LPIN1: variants seen among roughly 807,000 people sequenced by gnomAD.
LPIN1 encodes lipin 1.
Under a neutral mutation model 107.5 loss-of-function variants are expected in LPIN1, and 71 were observed. The ratio of observed to expected loss-of-function variants is 0.66; its 90% CI spans 0.55 to 0.80. LPIN1 has a LOEUF of 0.80. Among genes scored for constraint, LPIN1 ranks in the 30% least tolerant of loss-of-function variants. The probability of loss-of-function intolerance (pLI) is 0.00; values close to 1 mark genes in which losing one functional copy is unlikely to be tolerated. For synonymous variants in LPIN1, 445 were observed against 452.6 expected, an observed-to-expected ratio of 0.98 and a Z score of 0.21; for missense variants, 1,043 against 1,160.6, an observed-to-expected ratio of 0.90 and a Z score of 1.47.
chr2:11,732,693 G>A (rs929138584), intron 1 of LPIN1, among the ~76,000 whole-genome samples: 1 of 152,168 alleles, frequency 6.6e-6, no homozygotes, highest in Non-Finnish European at 1.5e-5. Context: ...AATCCTGCTG[G>A]TTGGTGTCCA....
chr2:11,750,351 G>A (rs1461151696), intron 1 of LPIN1, among the ~76,000 whole-genome samples: 5 of 152,212 alleles, frequency 3.3e-5, no homozygotes, highest in African/African-American at 1.2e-4. Flanking sequence ...CACCAGTCTC[G>A]GGGTGGCCTC....
In LPIN1 at chr2:11,697,450, C is replaced by T. The variant is rs1001400252; in HGVS notation, c.82-16306C>T. Among the ~76,000 whole-genome samples the T allele has an allele frequency of 6.6e-6, 1 of 152,240 alleles. No homozygotes were observed. Among genetic ancestry groups the T allele is most frequent in the Non-Finnish European group, 1.5e-5 (1 of 68,040 alleles). Reference sequence around the variant, plus strand: ...GGGCTGCACCAGGAGCTGTGCTCGGCTCCTGCTTCTCCCTGGTTTGGCCTA... The same window carrying T: ...GGGCTGCACCAGGAGCTGTGCTCGGTTCCTGCTTCTCCCTGGTTTGGCCTA... On this transcript the variant is annotated intron_variant, in intron 1 of 21. Transcript: ENST00000449576. The surrounding 1 kb of genome is among the most constrained non-coding windows in gnomAD (Gnocchi z 4.6).
upstream of LPIN1, among the ~76,000 whole-genome samples, chr2:11,743,583 A>G (rs1237027483): frequency 6.6e-6 from 1 of 152,150 alleles, no homozygotes. The surrounding 1 kb of genome is among the most constrained non-coding windows in gnomAD (Gnocchi z 4.7). Context: ...GGGGCCCCCA[A>G]CCAAGGAGTG....
At position 11,803,168 on chromosome 2, in the gene LPIN1, G is replaced by C. The variant is rs1428794563; in HGVS notation, c.2013+135G>C. On this transcript the variant is annotated intron_variant, in intron 15 of 20. Transcript: ENST00000674199. The surrounding 1 kb of genome is among the most constrained non-coding windows in gnomAD (Gnocchi z 4.2). ...CAGGGGGCCTGCAATCCCTCAACTG[G>C]GTACCCGCTGTTTCCACCCCAACTC... is the stretch of plus-strand genomic sequence containing the variant. 2 of 1,213,862 alleles carry C rather than the reference G, an allele frequency of 1.6e-6. No homozygotes were observed. The highest frequency in any genetic ancestry group is 2.4e-6 in the Non-Finnish European group (2 of 835,724). 75.2% of individuals were successfully genotyped at this position (1,213,862 alleles called of 1,614,324 possible). A position where few individuals can be genotyped will look rare whatever the true frequency, so the allele number is the denominator to read the frequency against.
chr2:11,689,091 G>A (rs1489898721), intron 1 of LPIN1, among the ~76,000 whole-genome samples: 1 of 152,218 alleles, frequency 6.6e-6, no homozygotes, highest in Admixed American at 6.5e-5. Flanking sequence ...GAAGTGCTTC[G>A]AAAATGAACA....
intron 1 of LPIN1, among the ~76,000 whole-genome samples, chr2:11,735,998 T>A (rs1328534731): frequency 6.6e-6 from 1 of 152,134 alleles, no homozygotes; most frequent in Non-Finnish European, 1.5e-5. Flanking sequence ...GAAACCTGAT[T>A]TTATTTGGAA....
At chr2:11,713,682 A>G in intron 1 of LPIN1, 1 of 875,092 alleles carries the variant, frequency 1.1e-6, no homozygotes, top group Non-Finnish European at 1.8e-6. Flanking sequence ...ATATTGGCAA[A>G]GTTATGCAAC....
chr2:11,773,802 A>T, intron 5 of LPIN1, 57 bp downstream of exon 5: 1 of 1,569,866 alleles, frequency 6.4e-7, no homozygotes, highest in Non-Finnish European at 8.7e-7. Flanking sequence ...CAGTGATAGG[A>T]AGCAATTCTA....
intron 1 of LPIN1, among the ~76,000 whole-genome samples, chr2:11,698,461 C>T (rs563273332): frequency 3.5e-4 from 53 of 152,224 alleles, no homozygotes; most frequent in Non-Finnish European, 7.1e-4. Flanking sequence ...CCACGTGGCT[C>T]CAACAGTTTC....
chr2:11,819,183 C>A, intron 18 of LPIN1: 1 of 354,148 alleles, frequency 2.8e-6, no homozygotes. Context: ...CTAGCCTCAT[C>A]GAATTAATTT....
chr2:11,717,157 A>G (rs2148529382), intron 2 of LPIN1, among the ~76,000 whole-genome samples: 1 of 152,338 alleles, frequency 6.6e-6, no homozygotes, highest in African/African-American at 2.4e-5. Flanking sequence ...GGCTGGTTCT[A>G]TAGAATCAAC....
At chr2:11,815,288 C>G in intron 18 of LPIN1, 48 bp downstream of exon 18, 1 of 1,608,080 alleles carries the variant, frequency 6.2e-7, no homozygotes, top group Non-Finnish European at 8.5e-7. Context: ...TGTTCAGACC[C>G]GCTCTCTTCC....
intron 3 of LPIN1, among the ~76,000 whole-genome samples, chr2:11,770,789 G>C (rs1335991523): frequency 6.6e-6 from 1 of 152,210 alleles, no homozygotes; most frequent in Non-Finnish European, 1.5e-5. Flanking sequence ...TCTTTAAGGA[G>C]AGGATCAGTA....
At chr2:11,695,931 A>G (rs934985392) in intron 1 of LPIN1, among the ~76,000 whole-genome samples, 9 of 152,106 alleles carry the variant, frequency 5.9e-5, no homozygotes, top group African/African-American at 1.9e-4. Flanking sequence ...TGAGTTTTGA[A>G]GTATAACTGA....
Position 11,767,877 on chromosome 2 carries a change from T to C in LPIN1, c.288+19T>C, listed in dbSNP as rs1325089107. 1.4e-6 allele frequency: 2 copies of C among 1,478,460 alleles called. No homozygotes were observed. The highest frequency in any genetic ancestry group is 1.7e-5 in the Admixed American group (1 of 59,820). 91.6% of individuals were successfully genotyped at this position (1,478,460 alleles called of 1,614,324 possible). ...TGATCAGGTAAGGAAGCCTGGGTGG[T>C]CAGGGTTACTTCCTAGTTTTGAGCT... On this transcript the variant is annotated intron_variant, in intron 3 of 20. Coordinates refer to ENST00000674199, the MANE Select transcript of LPIN1 (RefSeq NM_001349206.2).
chr2:11,685,733 A>C (rs1048980673), intron 1 of LPIN1, among the ~76,000 whole-genome samples: 3 of 152,166 alleles, frequency 2.0e-5, no homozygotes, highest in Non-Finnish European at 4.4e-5. Flanking sequence ...TCACTTCCTG[A>C]TTTCCCATCG....
chr2:11,713,900 C>T, intron 2 of LPIN1: 4 of 914,360 alleles, frequency 4.4e-6, no homozygotes, highest in Non-Finnish European at 6.8e-6. Context: ...TGGTTTGTCG[C>T]CATGGCTATC....
At position 11,825,080 on chromosome 2, in the gene LPIN1, T is replaced by C. The variant is rs1682196848; in HGVS notation, c.*289T>C. On this transcript the variant is annotated 3_prime_UTR_variant, in exon 21 of 21. Transcript: ENST00000674199. This position sits in a 1 kb window ranked among gnomAD's most constrained non-coding sequence, Gnocchi z 4.1. The stretch of plus-strand genomic sequence containing the variant: ...TTACGACGCTGCCTTTCCGGCCTGC[T>C]CCAGCAAGTAGCTACTGGTTCACGT... 2.2e-6 allele frequency: 1 copy of C among 452,072 alleles called. No homozygotes were observed. The highest frequency in any genetic ancestry group is 4.1e-6 in the Non-Finnish European group (1 of 243,758). The allele number at this position is 452,072 out of a possible 1,614,324, so 28.0% of individuals were successfully genotyped here. A position where few individuals can be genotyped will look rare whatever the true frequency, so the allele number is the denominator to read the frequency against.
intron 14 of LPIN1, among the ~76,000 whole-genome samples, chr2:11,800,434 G>A (rs1355921659): frequency 2.0e-5 from 3 of 152,018 alleles, no homozygotes; most frequent in Non-Finnish European, 4.4e-5. Flanking sequence ...TTGAGACAGG[G>A]TCTTACTCTG....
Sources: gnomAD v4.1 joint callset for allele counts (sites outside exome capture counted in the v4.1 genomes callset) on GRCh38, gnomAD v4.1.1 for gene constraint, Gnocchi (gnomAD v3.1) non-coding constraint, MANE v1.5 for transcripts, NCBI Gene and HGNC (gene_info 2026-07-23, HGNC 2026-07-21) for gene names.